DLG2: variants seen among roughly 807,000 people sequenced by gnomAD.
The protein encoded by DLG2 is discs large MAGUK scaffold protein 2, also known as disks large homolog 2.
In DLG2, 45 loss-of-function variants were observed where a neutral mutation model predicts 132.5. The ratio of observed to expected loss-of-function variants is 0.34; its 90% CI spans 0.27 to 0.44. The LOEUF (loss-of-function observed/expected upper bound fraction) is 0.44. DLG2 is among the 20% of genes least tolerant of loss of function. The probability of loss-of-function intolerance (pLI) is 1.00; values close to 1 mark genes in which losing one functional copy is unlikely to be tolerated. For synonymous variants in DLG2, 424 were observed against 419.6 expected, an observed-to-expected ratio of 1.01 and a Z score of -0.13; for missense variants, 1,045 against 1,196.9, an observed-to-expected ratio of 0.87 and a Z score of 1.87.
chr11:85,135,513 AG>A (rs2076085526), intron 5 of DLG2, among the ~76,000 whole-genome samples: 1 of 152,180 alleles, frequency 6.6e-6, no homozygotes, highest in Non-Finnish European at 1.5e-5. Flanking sequence ...AAATTAGCAA[AG>A]GGAGCCTGAT....
chr11:84,124,077 T>C (rs73515741), intron 9 of DLG2, among the ~76,000 whole-genome samples: 6,869 of 152,200 alleles, frequency 0.045, 429 homozygotes, highest in African/African-American at 0.14. Context: ...AACAAAAAAC[T>C]TCAGTGAAGG....
intron 12 of DLG2, among the ~76,000 whole-genome samples, chr11:83,977,685 C>A (rs973680614): frequency 9.9e-5 from 15 of 152,064 alleles, no homozygotes; most frequent in Admixed American, 4.6e-4. Context: ...TAGGTTATTT[C>A]TAGTTCTTAA....
chr11:84,483,301 G>A (rs564689677), intron 7 of DLG2, among the ~76,000 whole-genome samples: 3 of 151,780 alleles, frequency 2.0e-5, no homozygotes, highest in Admixed American at 6.6e-5. Context: ...GCATGATGGC[G>A]GGTGCCTGTA....
chr11:83,874,070 T>A (rs1422668244), intron 16 of DLG2, among the ~76,000 whole-genome samples: 1 of 151,478 alleles, frequency 6.6e-6, no homozygotes, highest in Non-Finnish European at 1.5e-5. Context: ...TTCCTAGATA[T>A]TTGCTGATTG....
intron 22 of DLG2, chr11:83,483,161 A>G: frequency 1.0e-6 from 1 of 976,240 alleles, no homozygotes; most frequent in South Asian, 1.3e-5. Flanking sequence ...GCATGCTAGG[A>G]GTGAAAGGCC....
In DLG2 at chr11:84,278,803, T is replaced by TTTTA. The variant is rs146269681; in HGVS notation, c.520-27516_520-27513dup. On this transcript the variant is annotated intron_variant, in intron 7 of 27. Coordinates refer to ENST00000376104, the MANE Select transcript of DLG2 (RefSeq NM_001142699.3). Reference sequence around the variant, plus strand: ...TGTAATTATGAAATAGTAAACATTATTTTATTTATTTATTTATTTATTTTA... The same window carrying TTTTA: ...TGTAATTATGAAATAGTAAACATTATTTTATTTATTTATTTATTTATTTATTTTA... Among the ~76,000 whole-genome samples, 67 of 150,642 alleles carry TTTTA rather than the reference T, an allele frequency of 4.4e-4. 1 individual carries two copies. Among genetic ancestry groups the TTTTA allele is most frequent in the African/African-American group, 1.4e-3 (58 of 41,162 alleles).
chr11:84,854,229 C>T (rs895116137), intron 6 of DLG2, among the ~76,000 whole-genome samples: 1 of 150,744 alleles, frequency 6.6e-6, no homozygotes, highest in Admixed American at 6.6e-5. Flanking sequence ...CACTGGCCCT[C>T]TTACAATCTC....
chr11:85,001,093 T>C (rs1003734874), intron 6 of DLG2, among the ~76,000 whole-genome samples: 10 of 151,878 alleles, frequency 6.6e-5, no homozygotes, highest in Non-Finnish European at 1.2e-4. Flanking sequence ...CCCTCAGTTA[T>C]AGAAAGAACT....
At chr11:84,588,558 C>G (rs946722682) in intron 6 of DLG2, among the ~76,000 whole-genome samples, 2 of 152,090 alleles carry the variant, frequency 1.3e-5, no homozygotes, top group African/African-American at 4.8e-5. Flanking sequence ...TTGTCAGAGG[C>G]ATTTGAACCA....
chr11:85,316,160 T>C (rs939959811), intron 3 of DLG2, among the ~76,000 whole-genome samples: 1 of 151,970 alleles, frequency 6.6e-6, no homozygotes, highest in African/African-American at 2.4e-5. Flanking sequence ...GTCAGATTCA[T>C]CTGCAAATAG....
chr11:85,060,327 A>G (rs957385217), intron 6 of DLG2, among the ~76,000 whole-genome samples: 2 of 150,542 alleles, frequency 1.3e-5, no homozygotes, highest in Non-Finnish European at 3.0e-5. Flanking sequence ...TAACATAAGC[A>G]TATTATATAC....
intron 5 of DLG2, among the ~76,000 whole-genome samples, chr11:85,121,084 T>C (rs1295920893): frequency 1.3e-5 from 2 of 152,020 alleles, no homozygotes; most frequent in Non-Finnish European, 2.9e-5. Context: ...TGTAGGTTAC[T>C]TGGGATAAAG....
intron 6 of DLG2, among the ~76,000 whole-genome samples, chr11:84,827,637 G>A (rs1028058375): frequency 8.2e-5 from 10 of 121,276 alleles, no homozygotes; most frequent in Non-Finnish European, 1.3e-4. Flanking sequence ...TGGAAGCACT[G>A]GGAACATGAT....
chr11:83,571,396 TC>T (rs1253890173), intron 19 of DLG2, among the ~76,000 whole-genome samples: 1 of 152,014 alleles, frequency 6.6e-6, no homozygotes, highest in East Asian at 1.9e-4. Context: ...AACTTTCAAA[TC>T]TTTTTTTTCT....
intron 6 of DLG2, among the ~76,000 whole-genome samples, chr11:84,590,267 A>G (rs987743455): frequency 2.6e-5 from 4 of 152,218 alleles, no homozygotes; most frequent in Non-Finnish European, 5.9e-5. Context: ...AAAACTTGCC[A>G]CAATTATTGC....
chr11:85,102,555 A>C (rs924764857), intron 6 of DLG2, among the ~76,000 whole-genome samples: 1 of 152,038 alleles, frequency 6.6e-6, no homozygotes, highest in Admixed American at 6.6e-5. Flanking sequence ...TAAGTATTAA[A>C]AACAAACATC....
intron 7 of DLG2, among the ~76,000 whole-genome samples, chr11:84,257,946 C>T (rs1233837848): frequency 6.6e-6 from 1 of 152,134 alleles, no homozygotes; most frequent in African/African-American, 2.4e-5. Flanking sequence ...CTCAGCCTCC[C>T]CAGATGCTGG....
At chr11:83,573,262 A>G (rs1228269787) in intron 19 of DLG2, among the ~76,000 whole-genome samples, 1 of 152,186 alleles carries the variant, frequency 6.6e-6, no homozygotes, top group East Asian at 1.9e-4. Context: ...TGGTGATTAT[A>G]GTCTCCAACT....
At chr11:83,506,544 G>A (rs1335894945) in intron 21 of DLG2, among the ~76,000 whole-genome samples, 2 of 152,150 alleles carry the variant, frequency 1.3e-5, no homozygotes, top group African/African-American at 2.4e-5. Context: ...GGCTCCTGAG[G>A]AGAATCAACA....
Sources: gnomAD v4.1 joint callset for allele counts (sites outside exome capture counted in the v4.1 genomes callset) on GRCh38, gnomAD v4.1.1 for gene constraint, MANE v1.5 for transcripts, NCBI Gene and HGNC (gene_info 2026-07-23, HGNC 2026-07-21) for gene names.